HMCN1: variants seen among roughly 807,000 people sequenced by gnomAD.
The protein encoded by HMCN1 is hemicentin 1, also known as hemicentin-1.
A neutral mutation model predicts 625.9 loss-of-function variants in HMCN1; 321 were observed. The observed-to-expected ratio is 0.51, with a 90% CI of 0.47 to 0.56. The LOEUF (loss-of-function observed/expected upper bound fraction) is 0.56. Among genes scored for constraint, HMCN1 ranks in the 20% least tolerant of loss-of-function variants. The pLI, the probability that HMCN1 is intolerant of heterozygous loss-of-function variation, is 0.00. For synonymous variants in HMCN1, 2,425 were observed against 2,417.6 expected (o/e 1.00, Z -0.09); for missense variants, 6,588 against 6,887.3 (o/e 0.96, Z 1.54).
rs181996503 is a variant in HMCN1 at position 185,775,467 on chromosome 1, G to T, written c.268+40420G>T. Among the ~76,000 whole-genome samples, 34 of 152,230 alleles carry T rather than the reference G, an allele frequency of 2.2e-4. 1 individual carries two copies. The East Asian group carries it at 6.0e-3, about 27-fold the overall frequency. ...TCTCTTCAATTAAACAAATATAAAT[G>T]CCTCATTGAACTGGGAACTATTTTG... On this transcript the variant is annotated intron_variant, in intron 1 of 106. Coordinates refer to ENST00000271588, the MANE Select transcript of HMCN1 (RefSeq NM_031935.3).
intron 1 of HMCN1, among the ~76,000 whole-genome samples, chr1:185,761,723 A>G (rs1655517571): frequency 6.6e-6 from 1 of 152,082 alleles, no homozygotes; most frequent in African/African-American, 2.4e-5. Flanking sequence ...GCTAAACACA[A>G]CTCTGCTTTG....
intron 20 of HMCN1, among the ~76,000 whole-genome samples, chr1:185,987,858 C>CAA (rs3057352): frequency 1.6e-4 from 19 of 119,560 alleles, no homozygotes; most frequent in Admixed American, 1.2e-3. Flanking sequence ...AGCCCTGGTC[C>CAA]AAAAAAAAAA....
intron 15 of HMCN1, among the ~76,000 whole-genome samples, chr1:185,976,209 C>T (rs1450270564): frequency 6.6e-6 from 1 of 152,026 alleles, no homozygotes; most frequent in Non-Finnish European, 1.5e-5. Flanking sequence ...GCCTTTTAAA[C>T]CAGATTAAAG....
chr1:185,787,141 A>ACG (rs1553239844), intron 1 of HMCN1, among the ~76,000 whole-genome samples: 7 of 141,254 alleles, frequency 5.0e-5, no homozygotes, highest in African/African-American at 5.2e-5. Context: ...GCCATGATGT[A>ACG]TGTGTGTGTG....
intron 36 of HMCN1, among the ~76,000 whole-genome samples, chr1:186,027,505 A>G (rs1277258375): frequency 6.6e-6 from 1 of 152,208 alleles, no homozygotes; most frequent in East Asian, 1.9e-4. Context: ...ACTTTTTTAT[A>G]TTGCCAATTA....
intron 87 of HMCN1, among the ~76,000 whole-genome samples, chr1:186,137,193 A>G (rs1292870377): frequency 6.6e-6 from 1 of 152,160 alleles, no homozygotes; most frequent in Non-Finnish European, 1.5e-5. Context: ...TTAGAAATCA[A>G]TGTATATGTT....
Position 186,038,974 on chromosome 1 carries a change from T to G in HMCN1, c.5997T>G (p.Ala1999=). The change falls in exon 38 of 107, where the codon GCT becomes GCG. Residue 1999 remains alanine, a synonymous_variant. Transcript: ENST00000271588. ...YKCVAINSAG[A]TELFYSLQVH... ...GCGTGGCCATCAACTCAGCTGGAGC[T>G]ACAGAGTTATTTTACAGTCTGCAAG... 1 of 1,613,016 alleles carries G rather than the reference T, an allele frequency of 6.2e-7. No homozygotes were observed. The highest frequency in any genetic ancestry group is 2.2e-5 in the East Asian group (1 of 44,822).
Position 185,977,928 on chromosome 1 carries a change from CT to C in HMCN1, c.2518del (p.Ser840GlnfsTer8). ...GACAACATGCCAATTTTCTCAAGAC[CT>C]TTTTCAGTTAGTTCCATCAGCCAAC... The part of the protein sequence containing the change: ...RLDNMPIFSR[P>X]FSVSSISQLR... On this transcript the variant is annotated frameshift_variant, in exon 16 of 107. Coordinates refer to ENST00000271588, the MANE Select transcript of HMCN1 (RefSeq NM_031935.3). LOFTEE classifies it high-confidence loss of function. 1 of 1,613,240 alleles carries C rather than the reference CT, an allele frequency of 6.2e-7. No individual in the cohort carries two copies. The highest frequency in any genetic ancestry group is 8.5e-7 in the Non-Finnish European group (1 of 1,179,514).
chr1:186,101,794 G>A (rs1328956977), intron 68 of HMCN1, among the ~76,000 whole-genome samples: 2 of 152,000 alleles, frequency 1.3e-5, no homozygotes, highest in Non-Finnish European at 2.9e-5. Flanking sequence ...CTAAATAACC[G>A]AGAAGTAAGA....
intron 9 of HMCN1, among the ~76,000 whole-genome samples, chr1:185,926,375 A>G (rs1473413493): frequency 6.6e-6 from 1 of 152,150 alleles, no homozygotes; most frequent in African/African-American, 2.4e-5. Context: ...TGCCCCTTAC[A>G]TAGTATATCT....
chr1:186,120,940 C>A (rs1325579163), intron 80 of HMCN1, among the ~76,000 whole-genome samples: 2 of 152,066 alleles, frequency 1.3e-5, no homozygotes, highest in Non-Finnish European at 2.9e-5. Flanking sequence ...AGAGGAAAAG[C>A]AAAAGACTGA....
Position 186,088,227 on chromosome 1 carries a change from T to G in HMCN1, c.9528T>G (p.Thr3176=). ...SNPVTLTCDA[T]GIPPPTIAWL... ...CTGTGACATTAACATGTGATGCCAC[T>G]GGGATCCCACCTCCCACGATAGCAT... is the stretch of plus-strand genomic sequence containing the variant. The change falls in exon 62 of 107, where the codon ACT becomes ACG. Residue 3176 remains threonine (T), a synonymous_variant. Transcript: ENST00000271588. 1 of 1,612,980 alleles carries G rather than the reference T, an allele frequency of 6.2e-7. No homozygotes were observed. The highest frequency in any genetic ancestry group is 1.3e-5 in the African/African-American group (1 of 74,976).
At position 186,012,389 on chromosome 1, in the gene HMCN1, G is replaced by A. The variant is rs72718878; in HGVS notation, c.4631-2770G>A. On this transcript the variant is annotated intron_variant, in intron 30 of 106. Transcript: ENST00000271588. ...CGGCTCTAAGAGGCTAATCCTTCAG[G>A]TTTTTTTTGGTATTTTTTTTTTGTA... Among the ~76,000 whole-genome samples the A allele has an allele frequency of 2.0e-5, 3 of 150,536 alleles. No homozygotes were observed. In the East Asian group the frequency reaches 5.9e-4, roughly 29 times the overall value.
chr1:186,138,514 C>T (rs1004859285), intron 89 of HMCN1, among the ~76,000 whole-genome samples: 2 of 152,170 alleles, frequency 1.3e-5, no homozygotes, highest in African/African-American at 4.8e-5. Flanking sequence ...AGAAAATTTT[C>T]AGGTATAATT....
intron 69 of HMCN1, among the ~76,000 whole-genome samples, chr1:186,105,992 T>C (rs1660591050): frequency 6.6e-6 from 1 of 152,242 alleles, no homozygotes; most frequent in Non-Finnish European, 1.5e-5. Context: ...TCTAAAATTA[T>C]ATTTAAGTAT....
At chr1:185,813,871 C>G (rs970079899) in intron 1 of HMCN1, among the ~76,000 whole-genome samples, 2 of 151,984 alleles carry the variant, frequency 1.3e-5, no homozygotes, top group Non-Finnish European at 2.9e-5. Context: ...GAAACTGGAA[C>G]AGAAGTAACT....
At position 185,891,234 on chromosome 1, in the gene HMCN1, C is replaced by A. The variant is rs1310802651; in HGVS notation, c.622-18103C>A. ...GCACGTGAGATGGGTTTCCTGAATA[C>A]AGCACACTGATGGGTCTTGACTCTT... On this transcript the variant is annotated intron_variant, in intron 4 of 106. Coordinates refer to ENST00000271588, the MANE Select transcript of HMCN1 (RefSeq NM_031935.3). 4.1e-3 allele frequency among the ~76,000 whole-genome samples: 568 copies of A among 137,696 alleles called. 45 individuals carry two copies. Among genetic ancestry groups the A allele is most frequent in the African/African-American group, 0.018 (549 of 30,218 alleles). 90.3% of individuals were successfully genotyped at this position (137,696 alleles called of 152,430 possible). A position where few individuals can be genotyped will look rare whatever the true frequency, so the allele number is the denominator to read the frequency against.
At chr1:186,105,968 G>A (rs1194817701) in intron 69 of HMCN1, among the ~76,000 whole-genome samples, 2 of 152,176 alleles carry the variant, frequency 1.3e-5, no homozygotes, top group Non-Finnish European at 2.9e-5. Context: ...GAATAACGAT[G>A]TAAGTGTTGT....
chr1:185,797,498 AGTCTC>A (rs1157274548), intron 1 of HMCN1, among the ~76,000 whole-genome samples: 1 of 152,178 alleles, frequency 6.6e-6, no homozygotes, highest in Non-Finnish European at 1.5e-5. Flanking sequence ...GTAGAGATGC[AGTCTC>A]ACTATATTGC....
Sources: gnomAD v4.1 joint callset for allele counts (sites outside exome capture counted in the v4.1 genomes callset) on GRCh38, gnomAD v4.1.1 for gene constraint, MANE v1.5 for transcripts, NCBI Gene and HGNC (gene_info 2026-07-23, HGNC 2026-07-21) for gene names.